The following ARHGAP6 variants were observed in gnomAD, a reference collection of about 807,000 sequenced individuals.
ARHGAP6 encodes rho GTPase-activating protein 6.
In ARHGAP6, 16 loss-of-function variants were observed where a neutral mutation model predicts 55.7. The observed-to-expected ratio is 0.29, with a 90% confidence interval of 0.19 to 0.44. The LOEUF is 0.44. Among genes scored for constraint, ARHGAP6 ranks in the 20% least tolerant of loss-of-function variants. The pLI is 1.00. For synonymous variants in ARHGAP6, 382 were observed against 360.9 expected (o/e 1.06, Z -0.66); for missense variants, 698 against 808.9 (o/e 0.86, Z 1.66).
chrX:11,274,528 A>G (rs1218904841), intron 1 of ARHGAP6, among the ~76,000 whole-genome samples: 2 of 112,068 alleles, frequency 1.8e-5, no homozygotes, highest in African/African-American at 6.5e-5. Flanking sequence ...AGAAATCACC[A>G]GATATATGAC....
chrX:11,621,484 G>A (rs1337623891), intron 1 of ARHGAP6, among the ~76,000 whole-genome samples: 2 of 111,031 alleles, frequency 1.8e-5, no homozygotes, highest in Admixed American at 9.6e-5. Context: ...GAAAAAAAAT[G>A]GTGTTTTAAA....
At chrX:11,579,950 A>T (rs1318590953) in intron 1 of ARHGAP6, among the ~76,000 whole-genome samples, 3 of 111,654 alleles carry the variant, frequency 2.7e-5, no homozygotes, top group African/African-American at 6.5e-5. Flanking sequence ...GTGCATCCCT[A>T]GAGAAATCAT....
At chrX:11,247,893 C>T (rs916719566) in intron 2 of ARHGAP6, among the ~76,000 whole-genome samples, 2 of 111,358 alleles carry the variant, frequency 1.8e-5, no homozygotes, top group African/African-American at 6.5e-5. Flanking sequence ...GAGCCTATGC[C>T]AAGAGTAGCC....
chrX:11,437,411 C>T (rs763281511), intron 1 of ARHGAP6, among the ~76,000 whole-genome samples: 7 of 112,530 alleles, frequency 6.2e-5, no homozygotes, highest in African/African-American at 1.9e-4. Context: ...TAAAGCCTTA[C>T]GATATTTCTC....
intron 1 of ARHGAP6, among the ~76,000 whole-genome samples, chrX:11,255,018 C>T (rs2047474332): frequency 9.0e-6 from 1 of 111,403 alleles, no homozygotes; most frequent in East Asian, 2.8e-4. Flanking sequence ...CACATGGGAA[C>T]TTCTAACTTT....
At chrX:11,235,094 C>T (rs2047181446) in intron 2 of ARHGAP6, among the ~76,000 whole-genome samples, 1 of 112,785 alleles carries the variant, frequency 8.9e-6, no homozygotes, top group African/African-American at 3.2e-5. Flanking sequence ...TCCACACTGC[C>T]CTAGCAGAGG....
intron 1 of ARHGAP6, among the ~76,000 whole-genome samples, chrX:11,541,760 C>T (rs143379716): frequency 3.7e-4 from 41 of 111,990 alleles, no homozygotes; most frequent in African/African-American, 1.3e-3. Flanking sequence ...ATACCTTAGG[C>T]AAGTTACTTA....
Position 11,139,059 on chromosome X carries a change from T to C in ARHGAP6, c.2729A>G (p.Gln910Arg). 2 of 1,206,462 alleles carry C rather than the reference T, an allele frequency of 1.7e-6. No homozygotes were observed. The highest frequency in any genetic ancestry group is 1.7e-5 in the African/African-American group (1 of 57,903). Residue 910 changes from glutamine (Q) to arginine (R), a missense_variant, in exon 13 of 13, where the codon CAG becomes CGG. Around this residue, in one of 3 missense-constraint regions of ARHGAP6, gnomAD observed 212 missense variants for 208.7 expected, o/e 1.02. Coordinates refer to ENST00000337414, the MANE Select transcript of ARHGAP6 (RefSeq NM_013427.3). The stretch of plus-strand genomic sequence containing the variant: ...CTCTCGCTCGGCTGCTTGGCCTCCC[T>C]GGTCCGTGGGTGTCTCCACGCCTTC... The part of the protein sequence containing the change: ...PPEGVETPTD[Q>R]GGQAAEREQQ...
intron 1 of ARHGAP6, among the ~76,000 whole-genome samples, chrX:11,510,847 C>T (rs1256910367): frequency 8.9e-6 from 1 of 111,909 alleles, no homozygotes; most frequent in Non-Finnish European, 1.9e-5. Flanking sequence ...AAATTCAAAT[C>T]ACAGCATCTA....
intron 1 of ARHGAP6, among the ~76,000 whole-genome samples, chrX:11,650,536 G>A (rs1167655548): frequency 9.0e-6 from 1 of 111,378 alleles, no homozygotes; most frequent in African/African-American, 3.3e-5. Flanking sequence ...TGACTCTCCT[G>A]CATCCGGCTC....
At chrX:11,394,815 A>G (rs926869541) in intron 1 of ARHGAP6, among the ~76,000 whole-genome samples, 1 of 111,770 alleles carries the variant, frequency 8.9e-6, no homozygotes, top group Non-Finnish European at 1.9e-5. Context: ...CCAGACTTCT[A>G]AGAAATTCAG....
chrX:11,451,026 G>A (rs190442816), intron 1 of ARHGAP6, among the ~76,000 whole-genome samples: 3 of 111,413 alleles, frequency 2.7e-5, no homozygotes, highest in African/African-American at 9.8e-5. Flanking sequence ...ATTCCCATTC[G>A]TGGATCTGGC....
chrX:11,240,602 A>G lies in ARHGAP6; in HGVS notation c.748+13946T>C, dbSNP rs191566029. On this transcript the variant is annotated intron_variant, in intron 2 of 12. Transcript: ENST00000337414. ...TCTGTTTAAATGTCATCTTCCATAC[A>G]CTGATCTATCCATCCACCCATCCAC... 1.1e-4 allele frequency among the ~76,000 whole-genome samples: 12 copies of G among 111,761 alleles called. No individual in the cohort carries two copies. In the East Asian group the frequency reaches 3.4e-3, roughly 31 times the overall value.
At chrX:11,565,440 G>A (rs1407548369) in intron 1 of ARHGAP6, among the ~76,000 whole-genome samples, 1 of 112,163 alleles carries the variant, frequency 8.9e-6, no homozygotes, top group Non-Finnish European at 1.9e-5. Flanking sequence ...CTAGAAGTTT[G>A]GTAATTACAT....
chrX:11,573,257 G>C (rs1213480823), intron 1 of ARHGAP6, among the ~76,000 whole-genome samples: 1 of 108,685 alleles, frequency 9.2e-6, no homozygotes, highest in Non-Finnish European at 1.9e-5. Flanking sequence ...TGAAGTCCTT[G>C]CCCATACCTA....
intron 1 of ARHGAP6, among the ~76,000 whole-genome samples, chrX:11,575,966 A>G (rs2051591892): frequency 8.9e-6 from 1 of 112,361 alleles, no homozygotes; most frequent in Non-Finnish European, 1.9e-5. Context: ...TGTGAATCTG[A>G]CTTCAACTTT....
chrX:11,159,480 G>C (rs187075241), intron 9 of ARHGAP6, among the ~76,000 whole-genome samples: 1 of 110,568 alleles, frequency 9.0e-6, no homozygotes, highest in Non-Finnish European at 1.9e-5. Context: ...TAATTTATTG[G>C]ATGGAGAGAG....
intron 1 of ARHGAP6, among the ~76,000 whole-genome samples, chrX:11,521,819 C>A (rs1337734366): frequency 9.0e-6 from 1 of 110,940 alleles, no homozygotes; most frequent in African/African-American, 3.3e-5. Flanking sequence ...TTCTTTGTAT[C>A]CTCTTTTATT....
intron 2 of ARHGAP6, among the ~76,000 whole-genome samples, chrX:11,230,122 T>A (rs2047106375): frequency 8.9e-6 from 1 of 112,322 alleles, no homozygotes; most frequent in South Asian, 3.7e-4. Flanking sequence ...CATACTGGGC[T>A]ATCTGACTAT....
Sources: allele counts gnomAD v4.1 joint callset (sites outside exome capture counted in the v4.1 genomes callset), GRCh38; gene constraint gnomAD v4.1.1; regional missense constraint gnomAD v4.1.1; transcripts MANE v1.5; gene names NCBI Gene and HGNC (gene_info 2026-07-23, HGNC 2026-07-21).